Variants in MACROH2A1 observed in about 807,000 individuals in gnomAD.
MACROH2A1 encodes the protein macroH2A.1 histone, also known as core histone macro-H2A.1.
In MACROH2A1, 2 loss-of-function variants were observed where a neutral mutation model predicts 31.6. The observed-to-expected ratio is 0.06, with a 90% CI of 0.03 to 0.20. The LOEUF (loss-of-function observed/expected upper bound fraction) is 0.20. Among genes scored for constraint, MACROH2A1 ranks in the 10% least tolerant of loss-of-function variants. The pLI is 1.00. For missense variants in MACROH2A1, 230 were observed against 474.0 expected (o/e 0.49, Z 4.78); for synonymous variants, 169 against 189.6 (o/e 0.89, Z 0.89).
intron 6 of MACROH2A1, chr5:135,350,865 C>T (rs1240255305): frequency 2.5e-6 from 4 of 1,613,280 alleles, no homozygotes; most frequent in South Asian, 1.1e-5. Context: ...GTCGGGTGAA[C>T]GACAGCATCA....
chr5:135,364,124 G>A (rs1014664196), intron 4 of MACROH2A1, among the ~76,000 whole-genome samples: 1 of 152,132 alleles, frequency 6.6e-6, no homozygotes, highest in Non-Finnish European at 1.5e-5. Flanking sequence ...ATCATTCTCA[G>A]CAAACTATCA....
intron 8 of MACROH2A1, among the ~76,000 whole-genome samples, chr5:135,337,620 A>G (rs1257987923): frequency 2.6e-5 from 4 of 152,244 alleles, no homozygotes; most frequent in Non-Finnish European, 5.9e-5. Context: ...TCAAAACACA[A>G]CAGTTTGATT....
At chr5:135,355,075 G>A (rs536687615) in intron 5 of MACROH2A1, 1 of 455,950 alleles carries the variant, frequency 2.2e-6, no homozygotes, top group African/African-American at 2.0e-5. Flanking sequence ...ATTCAGAAAT[G>A]TTTCATTGGA....
chr5:135,394,856 G>A (rs1405339062), intron 1 of MACROH2A1, among the ~76,000 whole-genome samples: 1 of 152,168 alleles, frequency 6.6e-6, no homozygotes, highest in Non-Finnish European at 1.5e-5. Context: ...CCAGCTACAA[G>A]GTAGCTGATT....
chr5:135,345,938 C>G (rs773423763), intron 7 of MACROH2A1, 30 bp downstream of exon 7: 32 of 1,462,488 alleles, frequency 2.2e-5, no homozygotes, highest in Admixed American at 1.3e-4. Flanking sequence ...GTGTCACAAC[C>G]AGATAAGCAC....
At chr5:135,387,038 G>T (rs1327372123) in intron 2 of MACROH2A1, among the ~76,000 whole-genome samples, 4 of 152,210 alleles carry the variant, frequency 2.6e-5, no homozygotes, top group Admixed American at 6.5e-5. Context: ...GAGTTGTAAG[G>T]AAATTGGGGT....
rs1396878093 is a variant in MACROH2A1, at chr5:135,398,692, C to T, written c.-34+370G>A. Among the ~76,000 whole-genome samples, 1 of 152,208 alleles carries T rather than the reference C, an allele frequency of 6.6e-6. No individual in the cohort carries two copies. Among genetic ancestry groups the T allele is most frequent in the African/African-American group, 2.4e-5 (1 of 41,466 alleles). On this transcript the variant is annotated intron_variant, in intron 1 of 8. Coordinates refer to ENST00000511689, the MANE Select transcript of MACROH2A1 (RefSeq NM_138610.3). This position sits in a 1 kb window ranked among gnomAD's most constrained non-coding sequence, Gnocchi z 4.6. ...CCAGGCCCAGACTGCCTAGCCAGCGCCGCGGGGCCTCCTGCGGCCTCGGGC... is the reference window on the plus strand; with the variant it reads ...CCAGGCCCAGACTGCCTAGCCAGCGTCGCGGGGCCTCCTGCGGCCTCGGGC...
At chr5:135,340,860 A>G (rs1581128705) in intron 8 of MACROH2A1, among the ~76,000 whole-genome samples, 1 of 152,218 alleles carries the variant, frequency 6.6e-6, no homozygotes, top group Non-Finnish European at 1.5e-5. Context: ...ACACAGCTCT[A>G]TGGGGTGAGG....
intron 1 of MACROH2A1, among the ~76,000 whole-genome samples, chr5:135,394,410 C>G (rs1462706610): frequency 6.6e-6 from 1 of 152,134 alleles, no homozygotes; most frequent in Non-Finnish European, 1.5e-5. Flanking sequence ...CAGACTCCAA[C>G]CTTGTGCACA....
chr5:135,337,653 G>T (rs1167393813), intron 8 of MACROH2A1, among the ~76,000 whole-genome samples: 2 of 152,238 alleles, frequency 1.3e-5, no homozygotes, highest in Non-Finnish European at 2.9e-5. Flanking sequence ...CAGCTTTTGA[G>T]AACTGCTGTT....
At chr5:135,337,404 G>T (rs1331131481) in intron 8 of MACROH2A1, among the ~76,000 whole-genome samples, 1 of 152,250 alleles carries the variant, frequency 6.6e-6, no homozygotes, top group East Asian at 1.9e-4. Flanking sequence ...GTCCCAAGGG[G>T]TCTCCCTGGA....
intron 4 of MACROH2A1, among the ~76,000 whole-genome samples, chr5:135,363,659 T>C (rs1357358034): frequency 2.0e-5 from 3 of 152,386 alleles, no homozygotes; most frequent in African/African-American, 7.2e-5. Flanking sequence ...GTCTTTATAG[T>C]AGCATGATTT....
At chr5:135,360,661 T>TA in intron 4 of MACROH2A1, 54 bp from the exon 5 acceptor site, 1 of 1,244,184 alleles carries the variant, frequency 8.0e-7, no homozygotes, top group Non-Finnish European at 1.2e-6. Context: ...GGCATCCTAA[T>TA]AGAGAGGCAG....
intron 1 of MACROH2A1, among the ~76,000 whole-genome samples, chr5:135,389,482 A>T (rs574602018): frequency 6.6e-6 from 1 of 152,326 alleles, no homozygotes; most frequent in East Asian, 1.9e-4. Context: ...AGGCTTCATA[A>T]AAGAAAAACA....
rs1185866564 is a variant in MACROH2A1, at chr5:135,369,974, A to G, written c.279+62T>C. The G allele has an allele frequency of 5.2e-5, 56 of 1,071,360 alleles. No homozygotes were observed. Among genetic ancestry groups the G allele is most frequent in the Non-Finnish European group, 6.4e-5 (45 of 701,866 alleles). The allele number at this position is 1,071,360 out of a possible 1,614,324, so 66.4% of individuals were successfully genotyped here. On this transcript the variant is annotated intron_variant, in intron 3 of 8. Coordinates refer to ENST00000511689, the MANE Select transcript of MACROH2A1 (RefSeq NM_138610.3). This position sits in a 1 kb window ranked among gnomAD's most constrained non-coding sequence, Gnocchi z 4.3. ...CAGCCAACACCAAAGCCTCTCAGCTATGTTTCTTGGGCAGTATGACCACCT... is the reference window on the plus strand; with the variant it reads ...CAGCCAACACCAAAGCCTCTCAGCTGTGTTTCTTGGGCAGTATGACCACCT...
intron 1 of MACROH2A1, among the ~76,000 whole-genome samples, chr5:135,396,479 C>T (rs1453398785): frequency 6.6e-6 from 1 of 152,192 alleles, no homozygotes; most frequent in Non-Finnish European, 1.5e-5. Flanking sequence ...CACCAGGACT[C>T]AGCCATCCCG....
chr5:135,340,724 G>A (rs543512578), intron 8 of MACROH2A1, among the ~76,000 whole-genome samples: 1 of 152,256 alleles, frequency 6.6e-6, no homozygotes, highest in South Asian at 2.1e-4. Context: ...CATTACTTCC[G>A]TGCCAGAGAC....
At chr5:135,389,891 C>T (rs1766967728) in intron 1 of MACROH2A1, among the ~76,000 whole-genome samples, 1 of 152,206 alleles carries the variant, frequency 6.6e-6, no homozygotes, top group Non-Finnish European at 1.5e-5. Context: ...TCCTCTAATC[C>T]ACCCTCTACC....
At chr5:135,394,666 C>G (rs987160357) in intron 1 of MACROH2A1, among the ~76,000 whole-genome samples, 10 of 152,202 alleles carry the variant, frequency 6.6e-5, no homozygotes, top group Non-Finnish European at 1.0e-4. Context: ...TTGCCAGTCA[C>G]TCTAGATCCC....
Sources: gnomAD v4.1 joint callset for allele counts (sites outside exome capture counted in the v4.1 genomes callset) on GRCh38, gnomAD v4.1.1 for gene constraint, Gnocchi (gnomAD v3.1) non-coding constraint, MANE v1.5 for transcripts, NCBI Gene and HGNC (gene_info 2026-07-23, HGNC 2026-07-21) for gene names.